The following MAST4 variants were observed in gnomAD, a reference collection of about 807,000 sequenced individuals.
The protein encoded by MAST4 is microtubule associated serine/threonine kinase family member 4, also known as microtubule-associated serine/threonine-protein kinase 4.
MAST4 carries 89 observed loss-of-function variants against 162.7 expected under a neutral mutation model. That is an observed-to-expected ratio of 0.55 (90% CI 0.46 to 0.65). The LOEUF (loss-of-function observed/expected upper bound fraction) is 0.65, where lower values mean the gene tolerates loss of function less well. Ranked by LOEUF, MAST4 falls within the 30% of genes least tolerant of loss-of-function variation. MAST4 has a pLI of 0.00. For synonymous variants in MAST4, 1,479 were observed against 1,361.1 expected (o/e 1.09, Z -1.91); for missense variants, 3,153 against 3,374.0 (o/e 0.93, Z 1.62).
At chr5:66,715,682 A>T (rs1750789106) in intron 1 of MAST4, among the ~76,000 whole-genome samples, 1 of 143,574 alleles carries the variant, frequency 7.0e-6, no homozygotes, top group African/African-American at 2.5e-5. Flanking sequence ...ATAATAAAAT[A>T]AAAATTAAAA....
At chr5:66,830,839 A>C (rs1757549437) in intron 3 of MAST4, among the ~76,000 whole-genome samples, 1 of 152,216 alleles carries the variant, frequency 6.6e-6, no homozygotes, top group Non-Finnish European at 1.5e-5. Context: ...GAATTTAAGA[A>C]TAAAATTAAT....
intron 1 of MAST4, among the ~76,000 whole-genome samples, chr5:66,606,317 A>G (rs1742878766): frequency 6.6e-6 from 1 of 152,158 alleles, no homozygotes; most frequent in Non-Finnish European, 1.5e-5. Flanking sequence ...TTCTTTTTCT[A>G]GAATGTCATG....
rs770164314 is a variant in MAST4 at position 67,162,804 on chromosome 5, G to A, written c.3967+16G>A. On this transcript the variant is annotated intron_variant, in intron 28 of 28. Transcript: ENST00000403625. ...TTCCCATCTGGTGAGTGAGTCTCCT[G>A]GTCTAAACAGCAGAGGGGAGGGGAG... 1.1e-5 allele frequency: 17 copies of A among 1,611,516 alleles called. No individual in the cohort carries two copies. Among genetic ancestry groups the A allele is most frequent in the South Asian group, 9.9e-5 (9 of 90,818 alleles).
chr5:67,049,022 C>CGTATATATATATACACGT (rs1757754034), intron 4 of MAST4, among the ~76,000 whole-genome samples: 2 of 81,936 alleles, frequency 2.4e-5, no homozygotes, highest in Non-Finnish European at 2.3e-5. Context: ...TATATATATA[C>CGTATATATATATACACGT]GTATATATAT....
At chr5:66,819,490 A>G (rs1031736649) in intron 3 of MAST4, among the ~76,000 whole-genome samples, 1 of 152,186 alleles carries the variant, frequency 6.6e-6, no homozygotes, top group African/African-American at 2.4e-5. Context: ...GTCAGCTTGC[A>G]CAGGCGCTTC....
rs570893107 is a variant in MAST4 at position 66,830,624 on chromosome 5, T to G, written c.642+41830T>G. Among the ~76,000 whole-genome samples the G allele has an allele frequency of 8.1e-4, 124 of 152,330 alleles. 4 individuals carry two copies. The South Asian group carries it at 0.025, about 31-fold the overall frequency. ...TAAAAGTGCTTGAAAGTTCTGCCAC[T>G]TCATGGTTACAACTTTACTGTGGCT... On this transcript the variant is annotated intron_variant, in intron 3 of 28. Transcript: ENST00000403625.
chr5:66,963,072 G>A (rs1746214335), intron 4 of MAST4, among the ~76,000 whole-genome samples: 1 of 152,040 alleles, frequency 6.6e-6, no homozygotes, highest in South Asian at 2.1e-4. Context: ...GGGAGTGGGG[G>A]GTCAGGGATT....
intron 1 of MAST4, among the ~76,000 whole-genome samples, chr5:66,745,407 G>A (rs1284269705): frequency 6.6e-6 from 1 of 152,138 alleles, no homozygotes. Context: ...CTCTTAGAAC[G>A]TGGTGGATGG....
intron 3 of MAST4, among the ~76,000 whole-genome samples, chr5:66,837,081 A>G (rs1444413318): frequency 1.6e-5 from 2 of 123,102 alleles, no homozygotes; most frequent in African/African-American, 6.8e-5. Context: ...GTGGGATAGA[A>G]GGAAAGAGCA....
chr5:66,710,974 A>G (rs375113156), intron 1 of MAST4, among the ~76,000 whole-genome samples: 1 of 152,216 alleles, frequency 6.6e-6, no homozygotes, highest in East Asian at 1.9e-4. Context: ...GAAAGCAGTT[A>G]TTCCAGAAGC....
intron 2 of MAST4, among the ~76,000 whole-genome samples, chr5:66,783,145 T>G (rs1376807209): frequency 1.3e-5 from 2 of 152,214 alleles, no homozygotes; most frequent in African/African-American, 2.4e-5. Flanking sequence ...ACATCTAAAA[T>G]CTAACCCATC....
chr5:66,944,331 T>A (rs928690313), intron 4 of MAST4, among the ~76,000 whole-genome samples: 2 of 152,140 alleles, frequency 1.3e-5, no homozygotes, highest in African/African-American at 4.8e-5. Context: ...CTGAGTACTT[T>A]TAAAATAAAA....
intron 1 of MAST4, among the ~76,000 whole-genome samples, chr5:66,651,587 G>T (rs1746223536): frequency 6.6e-6 from 1 of 152,032 alleles, no homozygotes; most frequent in Non-Finnish European, 1.5e-5. Context: ...ATGGATAAAA[G>T]ATAGATTACT....
chr5:66,955,345 T>C (rs16896057), intron 4 of MAST4, among the ~76,000 whole-genome samples: 10,412 of 151,956 alleles, frequency 0.069, 1,107 homozygotes, highest in African/African-American at 0.23. Context: ...CAGTGGGAAC[T>C]GTAAGTGCAA....
chr5:66,735,061 C>G (rs190127786), intron 1 of MAST4, among the ~76,000 whole-genome samples: 3 of 152,288 alleles, frequency 2.0e-5, no homozygotes, highest in Non-Finnish European at 4.4e-5. Flanking sequence ...GCCTAAATAA[C>G]TTGTCATTCC....
In MAST4 at chr5:67,142,465, G is replaced by C. The variant is rs1415304916; in HGVS notation, c.2662G>C (p.Asp888His). The change falls in exon 21 of 29, where the codon GAC becomes CAC. Residue 888 changes from aspartate (D) to histidine (H), a missense_variant. Physicochemically the swap from Asp to His is moderately conservative, Grantham distance 81 (BLOSUM62 -1). Around this residue, in one of 7 missense-constraint regions of MAST4, gnomAD observed 619 missense variants for 744.2 expected, o/e 0.83. Transcript: ENST00000403625. ...TCATATGGAAACGGAGGAAGAAGATGACACAAATGATGAAGACTTTAATGT... is the reference window on the plus strand; with the variant it reads ...TCATATGGAAACGGAGGAAGAAGATCACACAAATGATGAAGACTTTAATGT... ...YHHMETEEED[D>H]TNDEDFNVEI... The C allele has an allele frequency of 6.2e-7, 1 of 1,600,920 alleles. No homozygotes were observed. Among genetic ancestry groups the C allele is most frequent in the African/African-American group, 1.3e-5 (1 of 74,762 alleles).
At chr5:67,157,536 A>G (rs1332354145) in intron 26 of MAST4, among the ~76,000 whole-genome samples, 1 of 152,172 alleles carries the variant, frequency 6.6e-6, no homozygotes, top group Non-Finnish European at 1.5e-5. Context: ...TGACAGTCTT[A>G]TACTTTTACC....
intron 1 of MAST4, among the ~76,000 whole-genome samples, chr5:66,712,077 G>A (rs960973239): frequency 6.6e-6 from 1 of 152,144 alleles, no homozygotes; most frequent in Non-Finnish European, 1.5e-5. Context: ...GACTTTTTGT[G>A]TTGTTTTCAT....
At chr5:66,703,023 G>T (rs1749879897) in intron 1 of MAST4, among the ~76,000 whole-genome samples, 1 of 152,114 alleles carries the variant, frequency 6.6e-6, no homozygotes, top group Non-Finnish European at 1.5e-5. Flanking sequence ...CTATTTGAAG[G>T]GTGGACCTGT....
Sources: allele counts gnomAD v4.1 joint callset (sites outside exome capture counted in the v4.1 genomes callset), GRCh38; gene constraint gnomAD v4.1.1; regional missense constraint gnomAD v4.1.1; transcripts MANE v1.5; gene names NCBI Gene and HGNC (gene_info 2026-07-23, HGNC 2026-07-21).